Variants in NPY2R observed in about 807,000 individuals in gnomAD.
NPY2R encodes the protein neuropeptide Y receptor type 2.
Under a neutral mutation model 22.3 loss-of-function variants are expected in NPY2R, and 17 were observed. The ratio of observed to expected loss-of-function variants is 0.76; its 90% CI spans 0.52 to 1.14. The LOEUF (loss-of-function observed/expected upper bound fraction) is 1.14, where lower values mean the gene tolerates loss of function less well. Ranked by LOEUF, NPY2R falls within the 50% of genes most tolerant of loss-of-function variation. The pLI, the probability that NPY2R is intolerant of heterozygous loss-of-function variation, is 0.00. For synonymous variants in NPY2R, 209 were observed against 183.4 expected (o/e 1.14, Z -1.13); for missense variants, 424 against 467.9 (o/e 0.91, Z 0.87).
the NPY2R span, among the ~76,000 whole-genome samples, chr4:155,203,394 A>G: frequency 6.6e-6 from 1 of 152,188 alleles, no homozygotes; most frequent in Non-Finnish European, 1.5e-5. Flanking sequence ...CTCGCTACAA[A>G]TGAAGGTCAG....
the NPY2R span, among the ~76,000 whole-genome samples, chr4:155,192,811 T>C: frequency 6.6e-6 from 1 of 151,964 alleles, no homozygotes; most frequent in Non-Finnish European, 1.5e-5. Context: ...TAGTGTTTTC[T>C]AGACCCAGTC....
At chr4:155,195,092 C>G in the NPY2R span, among the ~76,000 whole-genome samples, 10 of 151,924 alleles carry the variant, frequency 6.6e-5, no homozygotes, top group African/African-American at 2.2e-4. Context: ...CAATGGATAA[C>G]TTATATCTAC....
At chr4:155,190,130 G>A in the NPY2R span, among the ~76,000 whole-genome samples, 181 of 152,094 alleles carry the variant, frequency 1.2e-3, 2 homozygotes, top group African/African-American at 4.2e-3. Context: ...CAATGACTCT[G>A]CAAGAATTGC....
the NPY2R span, among the ~76,000 whole-genome samples, chr4:155,187,735 TG>T: frequency 6.6e-6 from 1 of 152,162 alleles, no homozygotes; most frequent in Non-Finnish European, 1.5e-5. Flanking sequence ...ATCTTATTGA[TG>T]AAAGAGTAAA....
chr4:155,209,101 T>C (rs1729347596), intron 1 of NPY2R, 32 bp downstream of exon 1: 1 of 152,226 alleles, frequency 6.6e-6, no homozygotes, highest in African/African-American at 2.4e-5. Flanking sequence ...GATCACCTCC[T>C]GGGAACAAGA....
the NPY2R span, among the ~76,000 whole-genome samples, chr4:155,195,629 A>G: frequency 6.6e-6 from 1 of 151,984 alleles, no homozygotes; most frequent in South Asian, 2.1e-4. Flanking sequence ...TCTTAGTGGC[A>G]TATAATATAA....
rs1729507679 is a variant in NPY2R, at chr4:155,216,028, T to G, written c.*943T>G. On this transcript the variant is annotated 3_prime_UTR_variant, in exon 2 of 2. Coordinates refer to ENST00000329476, the MANE Select transcript of NPY2R (RefSeq NM_000910.4). ...CATTTCACAGTATTTACAAGCTATTTTTGCACAGGTACATAGCTCTCATGT... is the reference window on the plus strand; with the variant it reads ...CATTTCACAGTATTTACAAGCTATTGTTGCACAGGTACATAGCTCTCATGT... The G allele has an allele frequency of 6.0e-6, 1 of 167,020 alleles. No homozygotes were observed. Among genetic ancestry groups the G allele is most frequent in the Non-Finnish European group, 1.5e-5 (1 of 68,116 alleles). The allele number at this position is 167,020 out of a possible 1,614,324, so 10.3% of individuals were successfully genotyped here.
At chr4:155,176,669 T>C in the NPY2R span, among the ~76,000 whole-genome samples, 1 of 152,132 alleles carries the variant, frequency 6.6e-6, no homozygotes, top group Non-Finnish European at 1.5e-5. Context: ...TGCCCTTGTG[T>C]AGTAGTCTGT....
At chr4:155,185,976 A>G in the NPY2R span, among the ~76,000 whole-genome samples, 1 of 152,152 alleles carries the variant, frequency 6.6e-6, no homozygotes, top group Non-Finnish European at 1.5e-5. Context: ...AAGTGACAAG[A>G]GCAACAGTAC....
At chr4:155,190,978 T>C in the NPY2R span, among the ~76,000 whole-genome samples, 1 of 151,962 alleles carries the variant, frequency 6.6e-6, no homozygotes, top group Admixed American at 6.6e-5. Context: ...ATTTCATTTG[T>C]CAAAAAATAG....
At position 155,216,379 on chromosome 4, in the gene NPY2R, A is replaced by G. The variant is rs1729517915; in HGVS notation, c.*1294A>G. 1 of 166,784 alleles carries G rather than the reference A, an allele frequency of 6.0e-6. No individual in the cohort carries two copies. Among genetic ancestry groups the G allele is most frequent in the Admixed American group, 6.6e-5 (1 of 15,262 alleles). 10.3% of individuals were successfully genotyped at this position (166,784 alleles called of 1,614,324 possible). A position where few individuals can be genotyped will look rare whatever the true frequency, so the allele number is the denominator to read the frequency against. On this transcript the variant is annotated 3_prime_UTR_variant, in exon 2 of 2. Transcript: ENST00000329476. ...ATTGTTATTTCAATAGTACCCAACC[A>G]AAGATGCTTAAAAACCTTCTATGTT...
intron 1 of NPY2R, among the ~76,000 whole-genome samples, chr4:155,212,209 A>G (rs998671102): frequency 6.6e-6 from 1 of 152,250 alleles, no homozygotes; most frequent in Non-Finnish European, 1.5e-5. Flanking sequence ...AAACAAATTC[A>G]TAAAAGAAGC....
chr4:155,188,242 C>A, the NPY2R span, among the ~76,000 whole-genome samples: 1 of 152,112 alleles, frequency 6.6e-6, no homozygotes, highest in Non-Finnish European at 1.5e-5. Context: ...TAATCAGGCT[C>A]TTTCCTCCCT....
the NPY2R span, among the ~76,000 whole-genome samples, chr4:155,189,881 C>G: frequency 1.3e-5 from 2 of 151,972 alleles, no homozygotes; most frequent in African/African-American, 4.8e-5. Flanking sequence ...TACAATGTTA[C>G]TTTTGCATAT....
chr4:155,186,676 A>G, the NPY2R span, among the ~76,000 whole-genome samples: 13 of 152,272 alleles, frequency 8.5e-5, no homozygotes, highest in African/African-American at 3.1e-4. Flanking sequence ...ATCATGATAC[A>G]CAGTAGATCT....
chr4:155,214,834 G>T lies in NPY2R; in HGVS notation c.895G>T (p.Asp299Tyr), dbSNP rs772600135. 51 of 1,610,418 alleles carry T rather than the reference G, an allele frequency of 3.2e-5. No homozygotes were observed. The highest frequency in any genetic ancestry group is 4.3e-5 in the Non-Finnish European group (51 of 1,177,690). ...LAVDIDSQVL[D>Y]LKEYKLIFTV... The stretch of plus-strand genomic sequence containing the variant: ...CGTTGACATTGACAGCCAGGTCCTG[G>T]ACCTGAAGGAGTACAAACTCATCTT... The change falls in exon 2 of 2, where the codon GAC becomes TAC. Residue 299 changes from aspartate (D) to tyrosine (Y), a missense_variant. Transcript: ENST00000329476.
At chr4:155,176,055 G>T in the NPY2R span, among the ~76,000 whole-genome samples, 1 of 152,216 alleles carries the variant, frequency 6.6e-6, no homozygotes, top group South Asian at 2.1e-4. Context: ...ACAAACTTCA[G>T]CCAAGGAAAT....
chr4:155,201,796 T>G, the NPY2R span, among the ~76,000 whole-genome samples: 1 of 152,120 alleles, frequency 6.6e-6, no homozygotes, highest in Non-Finnish European at 1.5e-5. Flanking sequence ...CCAGCAGAGA[T>G]GCAAATAATT....
the NPY2R span, among the ~76,000 whole-genome samples, chr4:155,195,545 C>T: frequency 6.6e-6 from 1 of 151,970 alleles, no homozygotes; most frequent in African/African-American, 2.4e-5. Flanking sequence ...TGTATTTTAT[C>T]CACTATGCTT....
Sources: gnomAD v4.1 joint callset for allele counts (sites outside exome capture counted in the v4.1 genomes callset) on GRCh38, gnomAD v4.1.1 for gene constraint, MANE v1.5 for transcripts, NCBI Gene and HGNC (gene_info 2026-07-23, HGNC 2026-07-21) for gene names.